The following ACP7 variants were observed in gnomAD, a reference collection of about 807,000 sequenced individuals.
The protein encoded by ACP7 is acid phosphatase 7, tartrate resistant (putative).
In ACP7, 58 loss-of-function variants were observed where a neutral mutation model predicts 60.6. The ratio of observed to expected loss-of-function variants is 0.96; its 90% CI spans 0.77 to 1.19. The LOEUF (loss-of-function observed/expected upper bound fraction) is 1.19, where lower values mean the gene tolerates loss of function less well. Among genes scored for constraint, ACP7 ranks in the 50% most tolerant of loss-of-function variants. ACP7 has a pLI of 0.00. For synonymous variants in ACP7, 237 were observed against 232.6 expected (o/e 1.02, Z -0.17); for missense variants, 574 against 596.2 (o/e 0.96, Z 0.39).
rs746678064 is a variant in ACP7 at position 39,099,087 on chromosome 19, C to T, written c.450C>T (p.Val150=). The T allele has an allele frequency of 1.8e-4, 286 of 1,601,840 alleles. 1 individual carries two copies. The highest frequency in any genetic ancestry group is 3.5e-5 in the Non-Finnish European group (41 of 1,175,156). The change falls in exon 4 of 13, where the codon GTC becomes GTT. Residue 150 remains valine (V), a synonymous_variant. Transcript: ENST00000331256. Reference sequence around the variant, plus strand: ...TGGGGGCTGACAACCCGAAGGCCGTCCCCCGGCTGCGCAGGGACACCCAGC... The same window carrying T: ...TGGGGGCTGACAACCCGAAGGCCGTTCCCCGGCTGCGCAGGGACACCCAGC... ...GDLGADNPKA[V]PRLRRDTQQG...
At chr19:39,095,161 A>G (rs753537515) in intron 2 of ACP7, among the ~76,000 whole-genome samples, 1 of 152,158 alleles carries the variant, frequency 6.6e-6, no homozygotes, top group Non-Finnish European at 1.5e-5. Flanking sequence ...TGCCTTCCCA[A>G]CAGTCTCCCA....
intron 2 of ACP7, among the ~76,000 whole-genome samples, chr19:39,087,024 T>TATTTAGCTG (rs2073150505): frequency 6.6e-6 from 1 of 152,172 alleles, no homozygotes; most frequent in African/African-American, 2.4e-5. Context: ...TTTATTTATT[T>TATTTAGCTG]TTGAGACAGG....
chr19:39,102,715 T>TTTTCTTTCTTTCTTTCTTTCTTTCTTTC (rs199915190), intron 11 of ACP7, among the ~76,000 whole-genome samples: 29 of 118,700 alleles, frequency 2.4e-4, no homozygotes, highest in East Asian at 5.0e-4. Context: ...CAATGAAGAC[T>TTTTCTTTCTTTCTTTCTTTCTTTCTTTC]TTTCTTTCTT....
chr19:39,090,107 T>G (rs1454579377), intron 2 of ACP7, among the ~76,000 whole-genome samples: 1 of 152,168 alleles, frequency 6.6e-6, no homozygotes, highest in African/African-American at 2.4e-5. Flanking sequence ...ATTTGCCTAA[T>G]GGTGATTTTC....
Position 39,101,053 on chromosome 19 carries a change from C to A in ACP7, c.912C>A (p.Ser304Arg), listed in dbSNP as rs909140153. Reference protein sequence around the residue: ...ADLDDCTRHESKVRKGLQGKL... With the variant: ...ADLDDCTRHERKVRKGLQGKL... ...TGGACGACTGCACACGACATGAAAG[C>A]AAGGTGAGGTCCCTCCCTGGGAGAC... The change falls in exon 8 of 13, where the codon AGC (serine) becomes AGA (arginine). Residue 304 changes from serine to arginine, a missense_variant. Transcript: ENST00000331256. The A allele has an allele frequency of 1.1e-5, 18 of 1,613,922 alleles. No individual in the cohort carries two copies. Among genetic ancestry groups the A allele is most frequent in the African/African-American group, 2.7e-5 (2 of 74,940 alleles).
rs1029496880 is a variant in ACP7, at chr19:39,087,632, G to T, written c.121+2242G>T. On this transcript the variant is annotated intron_variant, in intron 2 of 12. Transcript: ENST00000331256. Reference sequence around the variant, plus strand: ...CATGACACCATGCCCAGCTAATTTTGTTTTTTTTTTTTTTTTTTTGAGATG... The same window carrying T: ...CATGACACCATGCCCAGCTAATTTTTTTTTTTTTTTTTTTTTTTTGAGATG... 3.0e-3 allele frequency among the ~76,000 whole-genome samples: 388 copies of T among 131,456 alleles called. 2 individuals are homozygous for T. Among genetic ancestry groups the T allele is most frequent in the Admixed American group, 4.5e-3 (57 of 12,742 alleles). The allele number at this position is 131,456 out of a possible 152,430, so 86.2% of individuals were successfully genotyped here.
chr19:39,087,778 C>T (rs867759285), intron 2 of ACP7, among the ~76,000 whole-genome samples: 13 of 152,136 alleles, frequency 8.5e-5, no homozygotes, highest in South Asian at 4.1e-4. Context: ...GGATTACAGG[C>T]ATGCACCACC....
Position 39,098,632 on chromosome 19 carries a change from G to T in ACP7, c.296G>T (p.Arg99Leu). 6 of 1,612,552 alleles carry T rather than the reference G, an allele frequency of 3.7e-6. No homozygotes were observed. Among genetic ancestry groups the T allele is most frequent in the Non-Finnish European group, 5.1e-6 (6 of 1,179,242 alleles). ...CTCTACATACACCGAGTCACGCTTC[G>T]CAAGCTGCTGCCAGGGGTTCAGTAT... ...RKLYIHRVTLRKLLPGVQYVY... is the reference protein window; with the variant it reads ...RKLYIHRVTLLKLLPGVQYVY... The change falls in exon 3 of 13, where the codon CGC (arginine) becomes CTC (leucine). Residue 99 changes from arginine to leucine, a missense_variant. Arg to Leu is a moderately radical substitution (Grantham distance 102). Transcript: ENST00000331256.
intron 2 of ACP7, among the ~76,000 whole-genome samples, chr19:39,088,759 GTTTT>G (rs2073172109): frequency 7.6e-6 from 1 of 130,812 alleles, no homozygotes; most frequent in Non-Finnish European, 1.7e-5. Flanking sequence ...TTGTTTGTTT[GTTTT>G]GAGACAGAGT....
intron 11 of ACP7, among the ~76,000 whole-genome samples, chr19:39,103,441 G>GTGTTTTTTTTTTTTT (rs1230916229): frequency 3.1e-5 from 2 of 64,692 alleles, no homozygotes; most frequent in Non-Finnish European, 5.4e-5. Flanking sequence ...ATCATCATGT[G>GTGTTTTTTTTTTTTT]TTTTTTTTTT....
At chr19:39,089,699 T>G (rs1338900599) in intron 2 of ACP7, among the ~76,000 whole-genome samples, 1 of 152,214 alleles carries the variant, frequency 6.6e-6, no homozygotes, top group Non-Finnish European at 1.5e-5. Context: ...ATGCTCTTGG[T>G]ATTGCCGAGT....
intron 2 of ACP7, among the ~76,000 whole-genome samples, chr19:39,090,237 C>T (rs768036006): frequency 2.6e-5 from 4 of 151,948 alleles, no homozygotes; most frequent in Non-Finnish European, 5.9e-5. Flanking sequence ...GGCGCAATCT[C>T]GGCTCACTGG....
Position 39,100,871 on chromosome 19 carries a change from C to G in ACP7, c.807+18C>G. 1 of 1,611,694 alleles carries G rather than the reference C, an allele frequency of 6.2e-7. No homozygotes were observed. The highest frequency in any genetic ancestry group is 8.5e-7 in the Non-Finnish European group (1 of 1,179,150). On this transcript the variant is annotated intron_variant, in intron 7 of 12. Transcript: ENST00000331256. ...ACCTCCAGGTAACCTGGGTGGAGGCCCCTATAGTCCCCTGGCCAGCCCCAC... is the reference window on the plus strand; with the variant it reads ...ACCTCCAGGTAACCTGGGTGGAGGCGCCTATAGTCCCCTGGCCAGCCCCAC...
At chr19:39,095,318 A>G (rs556419329) in intron 2 of ACP7, among the ~76,000 whole-genome samples, 2 of 152,354 alleles carry the variant, frequency 1.3e-5, no homozygotes, top group East Asian at 3.9e-4. Context: ...GGTATTGGGT[A>G]AATACAGCCA....
chr19:39,094,639 A>C (rs2073246214), intron 2 of ACP7, among the ~76,000 whole-genome samples: 1 of 151,950 alleles, frequency 6.6e-6, no homozygotes, highest in African/African-American at 2.4e-5. Context: ...CCTGGGCAAC[A>C]TGGCAAGATC....
At chr19:39,105,139 C>G (rs975731321) in intron 11 of ACP7, among the ~76,000 whole-genome samples, 1 of 151,760 alleles carries the variant, frequency 6.6e-6, no homozygotes, top group Non-Finnish European at 1.5e-5. Context: ...CCTCAGCCTC[C>G]TGAGTAGCTG....
chr19:39,096,322 T>C (rs2073265639), intron 2 of ACP7, among the ~76,000 whole-genome samples: 1 of 152,128 alleles, frequency 6.6e-6, no homozygotes, highest in African/African-American at 2.4e-5. Flanking sequence ...AAATCATCTC[T>C]CTCAAGTTCA....
chr19:39,107,638 C>G (rs1054068736), intron 12 of ACP7, among the ~76,000 whole-genome samples: 1 of 148,020 alleles, frequency 6.8e-6, no homozygotes, highest in African/African-American at 2.5e-5. Flanking sequence ...GAAATCCCAG[C>G]ACTTTGGGAG....
intron 2 of ACP7, among the ~76,000 whole-genome samples, chr19:39,095,701 T>G (rs1440265099): frequency 6.6e-6 from 1 of 152,234 alleles, no homozygotes. Flanking sequence ...CAGCCCCACA[T>G]TTCCCTTCTG....
Sources: gnomAD v4.1 joint callset for allele counts (sites outside exome capture counted in the v4.1 genomes callset) on GRCh38, gnomAD v4.1.1 for gene constraint, MANE v1.5 for transcripts, NCBI Gene and HGNC (gene_info 2026-07-23, HGNC 2026-07-21) for gene names.